HCRTR2: variants seen among roughly 807,000 people sequenced by gnomAD.
The protein encoded by HCRTR2 is orexin receptor type 2.
In HCRTR2, 22 loss-of-function variants were observed where a neutral mutation model predicts 49.0. That is an observed-to-expected ratio of 0.45 (90% confidence interval 0.32 to 0.64). The LOEUF (loss-of-function observed/expected upper bound fraction) is 0.64. HCRTR2 is among the 30% of genes least tolerant of loss of function. HCRTR2 has a pLI of 0.04. For synonymous variants in HCRTR2, 236 were observed against 205.3 expected, an observed-to-expected ratio of 1.15 and a Z score of -1.28; for missense variants, 491 against 559.4, an observed-to-expected ratio of 0.88 and a Z score of 1.23.
intron 1 of HCRTR2, among the ~76,000 whole-genome samples, chr6:55,148,948 C>A (rs1225288904): frequency 1.3e-5 from 2 of 152,076 alleles, no homozygotes; most frequent in Non-Finnish European, 2.9e-5. Context: ...CTTTCTTTTT[C>A]TTTCCTGCTT....
intron 1 of HCRTR2, among the ~76,000 whole-genome samples, chr6:55,187,559 T>A (rs1339225588): frequency 6.6e-6 from 1 of 151,902 alleles, no homozygotes; most frequent in Non-Finnish European, 1.5e-5. Context: ...TGAACAAAAT[T>A]TACAGAATGG....
chr6:55,136,526 T>C (rs1018509829), intron 1 of HCRTR2, among the ~76,000 whole-genome samples: 2 of 152,192 alleles, frequency 1.3e-5, no homozygotes, highest in African/African-American at 2.4e-5. Flanking sequence ...GAATATAAAT[T>C]ACAGAATAAC....
chr6:55,175,437 G>A (rs1206525683), intron 1 of HCRTR2, among the ~76,000 whole-genome samples: 2 of 152,056 alleles, frequency 1.3e-5, no homozygotes, highest in African/African-American at 4.8e-5. Context: ...CAAGAAGGAG[G>A]GGCATCGGAG....
intron 1 of HCRTR2, among the ~76,000 whole-genome samples, chr6:55,227,131 GA>G (rs959715851): frequency 1.5e-4 from 22 of 143,966 alleles, no homozygotes; most frequent in Admixed American, 1.1e-3. Flanking sequence ...AGTATTCTAT[GA>G]TTTTTTTTTA....
chr6:55,146,390 G>T (rs1275155427), intron 1 of HCRTR2, among the ~76,000 whole-genome samples: 1 of 151,978 alleles, frequency 6.6e-6, no homozygotes, highest in Admixed American at 6.6e-5. Context: ...AAAAAGACTT[G>T]CAGGCATTAA....
chr6:55,227,923 A>G (rs1766041098), intron 1 of HCRTR2, among the ~76,000 whole-genome samples: 1 of 152,192 alleles, frequency 6.6e-6, no homozygotes, highest in Non-Finnish European at 1.5e-5. Flanking sequence ...TTTTCCTAAT[A>G]AGTAGTGTCA....
chr6:55,173,982 T>TG (rs374899523), upstream of HCRTR2, among the ~76,000 whole-genome samples: 226 of 152,268 alleles, frequency 1.5e-3, 2 homozygotes, highest in African/African-American at 5.1e-3. Flanking sequence ...ACCTCCTTAT[T>TG]GCTTTTATAT....
At chr6:55,257,333 A>T (rs1431829291) in intron 3 of HCRTR2, among the ~76,000 whole-genome samples, 3 of 152,118 alleles carry the variant, frequency 2.0e-5, no homozygotes, top group Non-Finnish European at 4.4e-5. Flanking sequence ...TTTTTTCAAG[A>T]TTATGAAGCA....
chr6:55,249,884 T>A (rs1026940666), intron 2 of HCRTR2, among the ~76,000 whole-genome samples: 1 of 152,006 alleles, frequency 6.6e-6, no homozygotes, highest in East Asian at 1.9e-4. Context: ...GCACCCTCAG[T>A]TTTTACGCCA....
At chr6:55,170,330 T>C (rs574927277), upstream of HCRTR2, among the ~76,000 whole-genome samples, 1 of 149,376 alleles carries the variant, frequency 6.7e-6, no homozygotes, top group East Asian at 1.9e-4. Context: ...TATATATACA[T>C]AGTATTTGTA....
intron 1 of HCRTR2, among the ~76,000 whole-genome samples, chr6:55,163,255 CAACAA>C (rs1224529832): frequency 2.1e-4 from 23 of 111,248 alleles, no homozygotes; most frequent in South Asian, 5.6e-4. Flanking sequence ...AACAAACAAA[CAACAA>C]AAAAAAAAAA....
chr6:55,133,469 G>T (rs956929732), intron 1 of HCRTR2, among the ~76,000 whole-genome samples: 2 of 151,720 alleles, frequency 1.3e-5, no homozygotes, highest in Non-Finnish European at 3.0e-5. Context: ...AATGTCCAAA[G>T]TAAAATTATG....
At chr6:55,239,520 T>G (rs74909480) in intron 1 of HCRTR2, among the ~76,000 whole-genome samples, 1 of 151,974 alleles carries the variant, frequency 6.6e-6, no homozygotes, top group Non-Finnish European at 1.5e-5. Context: ...GTGAAGATAC[T>G]CTTTCTAAAT....
At chr6:55,220,084 A>T (rs1429891518) in intron 1 of HCRTR2, among the ~76,000 whole-genome samples, 1 of 152,180 alleles carries the variant, frequency 6.6e-6, no homozygotes, top group African/African-American at 2.4e-5. Flanking sequence ...TCCCAGGATC[A>T]GAAAACTTCA....
At chr6:55,122,645 C>T (rs1764217242) in intron 1 of HCRTR2, among the ~76,000 whole-genome samples, 1 of 151,970 alleles carries the variant, frequency 6.6e-6, no homozygotes, top group Non-Finnish European at 1.5e-5. Context: ...ATAAATCATG[C>T]TGCTATAAGG....
intron 1 of HCRTR2, among the ~76,000 whole-genome samples, chr6:55,157,543 G>C (rs959314202): frequency 6.6e-6 from 1 of 152,194 alleles, no homozygotes; most frequent in Admixed American, 6.5e-5. Context: ...GAACACAGGT[G>C]GTAGCCAGAT....
chr6:55,274,256 T>TAA (rs1491289628), intron 4 of HCRTR2, among the ~76,000 whole-genome samples: 19 of 141,328 alleles, frequency 1.3e-4, no homozygotes, highest in African/African-American at 4.3e-4. Flanking sequence ...TATATATATA[T>TAA]AATGAAATAT....
intron 1 of HCRTR2, among the ~76,000 whole-genome samples, chr6:55,226,229 T>C (rs1033834097): frequency 6.6e-6 from 1 of 152,234 alleles, no homozygotes; most frequent in African/African-American, 2.4e-5. Flanking sequence ...GCTTCATTAA[T>C]CCCATATTAC....
chr6:55,282,123 T>C (rs1767201779), intron 6 of HCRTR2, 102 bp from the exon 7 acceptor site: 3 of 798,440 alleles, frequency 3.8e-6, no homozygotes, highest in Middle Eastern at 2.4e-4. Context: ...TTACACCTCA[T>C]TGTTAGTTTG....
Sources: gnomAD v4.1 joint callset for allele counts (sites outside exome capture counted in the v4.1 genomes callset) on GRCh38, gnomAD v4.1.1 for gene constraint, MANE v1.5 for transcripts, NCBI Gene and HGNC (gene_info 2026-07-23, HGNC 2026-07-21) for gene names.